ANKRD11: variants seen among roughly 807,000 people sequenced by gnomAD.
The protein encoded by ANKRD11 is ankyrin repeat domain 11.
A neutral mutation model predicts 195.7 loss-of-function variants in ANKRD11; 17 were observed. The observed-to-expected ratio is 0.09, with a 90% confidence interval of 0.06 to 0.13. ANKRD11 has a LOEUF of 0.13. Ranked by LOEUF, ANKRD11 falls within the 10% of genes least tolerant of loss-of-function variation. The pLI is 1.00. For synonymous variants in ANKRD11, 1,953 were observed against 1,528.1 expected, an observed-to-expected ratio of 1.28 and a Z score of -6.49; for missense variants, 3,735 against 3,566.1, an observed-to-expected ratio of 1.05 and a Z score of -1.21.
intron 2 of ANKRD11, among the ~76,000 whole-genome samples, chr16:89,408,042 G>A (rs1567763078): frequency 6.6e-6 from 1 of 152,132 alleles, no homozygotes. Flanking sequence ...CAGTGGTAGT[G>A]CCCCTGCCCT....
At chr16:89,398,137 A>G (rs1183555566) in intron 2 of ANKRD11, among the ~76,000 whole-genome samples, 1 of 151,610 alleles carries the variant, frequency 6.6e-6, no homozygotes, top group East Asian at 1.9e-4. Context: ...GGACACTGTG[A>G]AACAGCTGAA....
chr16:89,315,039 C>T (rs1313877739), intron 3 of ANKRD11, among the ~76,000 whole-genome samples: 1 of 152,194 alleles, frequency 6.6e-6, no homozygotes, highest in Non-Finnish European at 1.5e-5. Context: ...CTGGGACCCC[C>T]ACCCACATCA....
intron 5 of ANKRD11, 21 bp from the exon 6 acceptor site, chr16:89,290,849 A>C: frequency 6.2e-7 from 1 of 1,612,898 alleles, no homozygotes; most frequent in Non-Finnish European, 8.5e-7. Flanking sequence ...AGGAGGGGAC[A>C]GATGGGCATT....
intron 3 of ANKRD11, among the ~76,000 whole-genome samples, chr16:89,307,030 C>T: frequency 6.9e-6 from 1 of 145,116 alleles, no homozygotes; most frequent in Non-Finnish European, 1.5e-5. Flanking sequence ...CAGTGTGACA[C>T]ACACAGCGCT....
intron 1 of ANKRD11, among the ~76,000 whole-genome samples, chr16:89,482,748 T>C (rs945900070): frequency 4.6e-5 from 7 of 152,098 alleles, no homozygotes; most frequent in Non-Finnish European, 7.4e-5. Flanking sequence ...GCCTTGATTG[T>C]GCCACTGCAC....
intron 4 of ANKRD11, chr16:89,298,111 G>A (rs980572687): frequency 6.6e-6 from 1 of 152,238 alleles, no homozygotes; most frequent in African/African-American, 2.4e-5. Flanking sequence ...TGGCAAGGGT[G>A]GGAAGGAGCA....
intron 1 of ANKRD11, among the ~76,000 whole-genome samples, chr16:89,489,851 G>A (rs1163388122): frequency 2.8e-5 from 2 of 71,368 alleles, no homozygotes; most frequent in Non-Finnish European, 5.6e-5. Flanking sequence ...GGCCCGCCCC[G>A]GAGCCCCCAA....
intron 9 of ANKRD11, chr16:89,278,716 G>T (rs1258587937): frequency 6.0e-6 from 3 of 497,638 alleles, no homozygotes; most frequent in South Asian, 4.6e-5. Flanking sequence ...AGACACAGGG[G>T]GTGGCTCTCG....
intron 2 of ANKRD11, among the ~76,000 whole-genome samples, chr16:89,415,627 AGAC>A (rs2042269153): frequency 6.6e-6 from 1 of 151,390 alleles, no homozygotes. Context: ...CAGGCATTCA[AGAC>A]CAGCCTGGCC....
intron 2 of ANKRD11, among the ~76,000 whole-genome samples, chr16:89,369,399 G>C (rs2040095403): frequency 6.6e-6 from 1 of 152,226 alleles, no homozygotes; most frequent in Non-Finnish European, 1.5e-5. Context: ...CCACAGGGAG[G>C]GCTGTGCTCT....
At chr16:89,389,310 C>A (rs1215896401) in intron 2 of ANKRD11, among the ~76,000 whole-genome samples, 1 of 151,988 alleles carries the variant, frequency 6.6e-6, no homozygotes, top group African/African-American at 2.4e-5. Flanking sequence ...CAGGCGTGAG[C>A]CACCACACCC....
At chr16:89,271,461 C>T (rs1460021287) in intron 11 of ANKRD11, 3 of 207,512 alleles carry the variant, frequency 1.4e-5, no homozygotes, top group East Asian at 1.2e-4. Flanking sequence ...GATATGTCAC[C>T]GTCCTGTGTC....
At chr16:89,487,718 G>A (rs998724530) in intron 1 of ANKRD11, among the ~76,000 whole-genome samples, 39 of 152,296 alleles carry the variant, frequency 2.6e-4, no homozygotes, top group African/African-American at 9.1e-4. Flanking sequence ...AGGTTGCAAT[G>A]AGCCAAGATT....
At position 89,446,016 on chromosome 16, in the gene ANKRD11, A is replaced by AC. The variant is rs1166554063; in HGVS notation, c.-144-27649_-144-27648insG. ...AATTTTTTGTTAAAAAAAAAAAAAAAAAAACCAGCCTAGTATATGTTCCTG... is the reference window on the plus strand; with the variant it reads ...AATTTTTTGTTAAAAAAAAAAAAAAACAAAACCAGCCTAGTATATGTTCCTG... On this transcript the variant is annotated intron_variant, in intron 1 of 12. Coordinates refer to ENST00000301030, the MANE Select transcript of ANKRD11 (RefSeq NM_013275.6). Among the ~76,000 whole-genome samples, 528 of 148,420 alleles carry AC rather than the reference A, an allele frequency of 3.6e-3. 9 individuals are homozygous for AC. The East Asian group carries it at 0.06, about 17-fold the overall frequency.
At position 89,449,493 on chromosome 16, in the gene ANKRD11, C is replaced by G. The variant is rs559819609; in HGVS notation, c.-144-31125G>C. 2.0e-5 allele frequency among the ~76,000 whole-genome samples: 3 copies of G among 152,038 alleles called. No individual in the cohort carries two copies. The East Asian group carries it at 5.8e-4, about 30-fold the overall frequency. ...CACACCCCTTCCACATTCTTCTATA[C>G]TTAGAAAGGGGGTGTGCAGGCCGGG... On this transcript the variant is annotated intron_variant, in intron 1 of 12. Transcript: ENST00000301030.
chr16:89,382,950 C>G (rs914133157), intron 2 of ANKRD11, among the ~76,000 whole-genome samples: 1 of 152,250 alleles, frequency 6.6e-6, no homozygotes, highest in African/African-American at 2.4e-5. Context: ...AAGCAATTCT[C>G]CAGCCTCAGC....
chr16:89,402,742 TA>T (rs947775454), intron 2 of ANKRD11, among the ~76,000 whole-genome samples: 25 of 109,304 alleles, frequency 2.3e-4, no homozygotes, highest in East Asian at 1.4e-3. Flanking sequence ...TGGGGTGAGA[TA>T]GGGGGTATCT....
chr16:89,467,780 T>C (rs894477554), intron 1 of ANKRD11, among the ~76,000 whole-genome samples: 2 of 152,100 alleles, frequency 1.3e-5, no homozygotes, highest in African/African-American at 4.8e-5. Flanking sequence ...GACGACTGGG[T>C]GACTTGCTAC....
rs539342073 is a variant in ANKRD11, at chr16:89,313,049, C to T, written c.87+3884G>A. On this transcript the variant is annotated intron_variant, in intron 3 of 12. Transcript: ENST00000301030. ...CTGCAGCCTCCATGCCCATGGACGC[C>T]ATCTCCAGCCTCTCGGCCTCCACAC... 3.1e-3 allele frequency among the ~76,000 whole-genome samples: 479 copies of T among 152,272 alleles called. 6 individuals carry two copies. The highest frequency in any genetic ancestry group is 0.011 in the African/African-American group (468 of 41,556).
Sources: gnomAD v4.1 joint callset for allele counts (sites outside exome capture counted in the v4.1 genomes callset) on GRCh38, gnomAD v4.1.1 for gene constraint, MANE v1.5 for transcripts, NCBI Gene and HGNC (gene_info 2026-07-23, HGNC 2026-07-21) for gene names.